The following NBAS variants were observed in gnomAD, a reference collection of about 807,000 sequenced individuals.
The protein encoded by NBAS is NAG/BC035112 fusion.
Under a neutral mutation model 302.5 loss-of-function variants are expected in NBAS, and 219 were observed. The ratio of observed to expected loss-of-function variants is 0.72; its 90% CI spans 0.65 to 0.81. The LOEUF (loss-of-function observed/expected upper bound fraction) is 0.81, where lower values mean the gene tolerates loss of function less well. Among genes scored for constraint, NBAS ranks in the 30% least tolerant of loss-of-function variants. NBAS has a pLI of 0.00. For missense variants in NBAS, 2,932 were observed against 2,841.6 expected, an observed-to-expected ratio of 1.03 and a Z score of -0.72; for synonymous variants, 1,118 against 1,021.6, an observed-to-expected ratio of 1.09 and a Z score of -1.80.
intron 51 of NBAS, among the ~76,000 whole-genome samples, chr2:15,172,589 TAAC>T (rs1664348100): frequency 6.6e-6 from 1 of 152,254 alleles, no homozygotes; most frequent in South Asian, 2.1e-4. Context: ...TTCTGACTTT[TAAC>T]AACATTTGAC....
intron 11 of NBAS, among the ~76,000 whole-genome samples, chr2:15,493,874 C>T (rs1211252233): frequency 6.7e-5 from 10 of 148,216 alleles, no homozygotes; most frequent in African/African-American, 1.7e-4. Flanking sequence ...TCTCCCATGC[C>T]GGAGTACAGT....
chr2:15,393,574 G>A, intron 28 of NBAS: 1 of 410,754 alleles, frequency 2.4e-6, no homozygotes, highest in Non-Finnish European at 5.0e-6. Flanking sequence ...CTTACCAAAT[G>A]ATCCTGCCAT....
chr2:15,438,617 G>A (rs1176177413), intron 21 of NBAS, among the ~76,000 whole-genome samples: 1 of 152,216 alleles, frequency 6.6e-6, no homozygotes, highest in Non-Finnish European at 1.5e-5. Context: ...CTCGCTCACT[G>A]CCTGAAGAGA....
At chr2:14,856,838 G>T in the NBAS span, among the ~76,000 whole-genome samples, 237 of 150,630 alleles carry the variant, frequency 1.6e-3, no homozygotes, top group African/African-American at 5.5e-3. Context: ...TGAGTTATTA[G>T]CCTTAAAGAA....
the NBAS span, among the ~76,000 whole-genome samples, chr2:15,062,343 C>G: frequency 6.6e-6 from 1 of 152,196 alleles, no homozygotes; most frequent in Admixed American, 6.5e-5. Flanking sequence ...GTCGGTCAAG[C>G]TGCACAGAGC....
chr2:15,433,990 G>A (rs1677887264), intron 21 of NBAS, among the ~76,000 whole-genome samples: 2 of 151,866 alleles, frequency 1.3e-5, no homozygotes, highest in South Asian at 4.2e-4. Flanking sequence ...TTCAGGGGAA[G>A]CTGTCACAGG....
At chr2:15,171,433 T>A (rs1384072676) in intron 51 of NBAS, among the ~76,000 whole-genome samples, 2 of 152,266 alleles carry the variant, frequency 1.3e-5, no homozygotes, top group African/African-American at 4.8e-5. Flanking sequence ...TAAGAATTTT[T>A]AAATTGTTTT....
the NBAS span, among the ~76,000 whole-genome samples, chr2:14,867,892 T>G: frequency 2.0e-5 from 3 of 152,212 alleles, no homozygotes; most frequent in Non-Finnish European, 4.4e-5. Context: ...TATTAAATGT[T>G]TTCTTTCCTA....
chr2:15,308,756 T>A (rs954552063), intron 39 of NBAS, among the ~76,000 whole-genome samples: 1 of 152,204 alleles, frequency 6.6e-6, no homozygotes, highest in Admixed American at 6.5e-5. Flanking sequence ...AAGGGAATGC[T>A]TCCAGTTTTT....
chr2:15,308,766 T>C (rs1186335814), intron 39 of NBAS, among the ~76,000 whole-genome samples: 1 of 152,202 alleles, frequency 6.6e-6, no homozygotes, highest in East Asian at 1.9e-4. Flanking sequence ...TTCCAGTTTT[T>C]GCCCATTCAG....
chr2:14,857,261 C>T, the NBAS span, among the ~76,000 whole-genome samples: 1 of 152,120 alleles, frequency 6.6e-6, no homozygotes, highest in African/African-American at 2.4e-5. Context: ...AAACAATCTA[C>T]AGATTCAATG....
At chr2:14,811,933 T>C in the NBAS span, among the ~76,000 whole-genome samples, 1 of 152,214 alleles carries the variant, frequency 6.6e-6, no homozygotes, top group Non-Finnish European at 1.5e-5. Flanking sequence ...CAAGAAATCA[T>C]GAGCCCCATT....
At chr2:15,011,813 A>T in the NBAS span, among the ~76,000 whole-genome samples, 1 of 151,958 alleles carries the variant, frequency 6.6e-6, no homozygotes, top group African/African-American at 2.4e-5. Flanking sequence ...ACTAGCATGG[A>T]TTATTGCTGA....
chr2:15,368,415 G>T (rs1674326282), intron 31 of NBAS, among the ~76,000 whole-genome samples: 1 of 151,950 alleles, frequency 6.6e-6, no homozygotes, highest in African/African-American at 2.4e-5. Context: ...GGCCAGGCTA[G>T]TCTAGAACTC....
At chr2:14,836,259 G>T in the NBAS span, among the ~76,000 whole-genome samples, 2 of 151,668 alleles carry the variant, frequency 1.3e-5, no homozygotes, top group African/African-American at 4.8e-5. Flanking sequence ...CTGTTTTAAT[G>T]GTGATTATTG....
chr2:15,473,755 TG>T (rs1422745989), intron 15 of NBAS, among the ~76,000 whole-genome samples: 3 of 152,116 alleles, frequency 2.0e-5, no homozygotes, highest in Non-Finnish European at 4.4e-5. Context: ...CTTCACCCTC[TG>T]TAGATGGCTG....
intron 21 of NBAS, among the ~76,000 whole-genome samples, chr2:15,442,504 T>C (rs1021746973): frequency 6.6e-6 from 1 of 151,760 alleles, no homozygotes; most frequent in Non-Finnish European, 1.5e-5. Context: ...TTCAAAGCAG[T>C]GTGTAGTGGG....
At chr2:15,554,348 T>G (rs1285098507) in intron 3 of NBAS, among the ~76,000 whole-genome samples, 2 of 152,012 alleles carry the variant, frequency 1.3e-5, no homozygotes, top group Admixed American at 6.6e-5. Flanking sequence ...AACACAGTGA[T>G]GTGTTCAAAG....
chr2:15,168,936 A>G (rs1469499882), intron 51 of NBAS, among the ~76,000 whole-genome samples: 1 of 152,224 alleles, frequency 6.6e-6, no homozygotes, highest in Non-Finnish European at 1.5e-5. Context: ...CCTGTATGAT[A>G]GTAATTTGTA....
Sources: allele counts gnomAD v4.1 joint callset (sites outside exome capture counted in the v4.1 genomes callset), GRCh38; gene constraint gnomAD v4.1.1; transcripts MANE v1.5; gene names NCBI Gene and HGNC (gene_info 2026-07-23, HGNC 2026-07-21).